Variants in NTNG1 observed in about 807,000 individuals in gnomAD.
The protein encoded by NTNG1 is netrin-G1.
In NTNG1, 16 loss-of-function variants were observed where a neutral mutation model predicts 54.0. That is an observed-to-expected ratio of 0.30 (90% CI 0.20 to 0.45). The LOEUF is 0.45. Among genes scored for constraint, NTNG1 ranks in the 20% least tolerant of loss-of-function variants. The pLI is 1.00. For missense variants in NTNG1, 530 were observed against 678.7 expected, an observed-to-expected ratio of 0.78 and a Z score of 2.43; for synonymous variants, 255 against 263.1, an observed-to-expected ratio of 0.97 and a Z score of 0.30.
intron 3 of NTNG1, among the ~76,000 whole-genome samples, chr1:107,337,217 A>G (rs1326185233): frequency 1.3e-5 from 2 of 152,058 alleles, no homozygotes; most frequent in Non-Finnish European, 2.9e-5. Context: ...CCAAGTATCC[A>G]TCGATGGATC....
intron 4 of NTNG1, among the ~76,000 whole-genome samples, chr1:107,395,723 C>G (rs1266338583): frequency 6.6e-6 from 1 of 152,086 alleles, no homozygotes; most frequent in Non-Finnish European, 1.5e-5. Context: ...GTTTACAGCC[C>G]CATTTCCCCT....
At chr1:107,289,504 G>T (rs1026541534) in intron 2 of NTNG1, among the ~76,000 whole-genome samples, 4 of 152,104 alleles carry the variant, frequency 2.6e-5, no homozygotes, top group African/African-American at 9.7e-5. Context: ...TGCTTGGAAT[G>T]TCATTCCCAC....
At chr1:107,408,087 A>G (rs1442478497) in intron 5 of NTNG1, 3 of 316,180 alleles carry the variant, frequency 9.5e-6, no homozygotes, top group Non-Finnish European at 1.8e-5. Flanking sequence ...GATGTCTGAC[A>G]TAATTTTAAA....
At chr1:107,241,816 T>C (rs1221753016) in intron 2 of NTNG1, among the ~76,000 whole-genome samples, 1 of 152,084 alleles carries the variant, frequency 6.6e-6, no homozygotes, top group Non-Finnish European at 1.5e-5. Flanking sequence ...GAGGGAGTCA[T>C]ATAATTGTCT....
chr1:107,447,370 A>G (rs1653491301), intron 7 of NTNG1, among the ~76,000 whole-genome samples: 1 of 152,098 alleles, frequency 6.6e-6, no homozygotes, highest in Non-Finnish European at 1.5e-5. Flanking sequence ...TTTATTAGTG[A>G]TGCAATGTCA....
intron 2 of NTNG1, among the ~76,000 whole-genome samples, chr1:107,271,982 A>T (rs1016469221): frequency 6.6e-6 from 1 of 152,214 alleles, no homozygotes; most frequent in South Asian, 2.1e-4. Flanking sequence ...GTTTTAAGCT[A>T]AAACTGTCTC....
At chr1:107,287,694 A>G (rs1219165644) in intron 2 of NTNG1, among the ~76,000 whole-genome samples, 2 of 152,080 alleles carry the variant, frequency 1.3e-5, no homozygotes, top group Non-Finnish European at 2.9e-5. Context: ...AGGGAGTTTG[A>G]CTTTTATTCT....
At chr1:107,374,518 A>G (rs1671112869) in intron 3 of NTNG1, among the ~76,000 whole-genome samples, 1 of 152,052 alleles carries the variant, frequency 6.6e-6, no homozygotes. Context: ...CATTCAGTGT[A>G]TCTTTTTTTA....
Position 107,206,247 on chromosome 1 carries a change from A to G in NTNG1, c.246+57408A>G, listed in dbSNP as rs1336813950. 2.0e-5 allele frequency among the ~76,000 whole-genome samples: 3 copies of G among 152,112 alleles called. 1 individual carries two copies. Among genetic ancestry groups the G allele is most frequent in the Non-Finnish European group, 2.9e-5 (2 of 68,016 alleles). Reference sequence around the variant, plus strand: ...ACTCCCTCATTTCCCTATCCCATCAACACTACCCAGAATGTATGAAATTTC... The same window carrying G: ...ACTCCCTCATTTCCCTATCCCATCAGCACTACCCAGAATGTATGAAATTTC... On this transcript the variant is annotated intron_variant, in intron 2 of 7. Transcript: ENST00000370068.
At chr1:107,383,381 C>T (rs1254738289) in intron 3 of NTNG1, among the ~76,000 whole-genome samples, 1 of 151,844 alleles carries the variant, frequency 6.6e-6, no homozygotes, top group Non-Finnish European at 1.5e-5. Context: ...ATTGTTTAAT[C>T]CAAGGAAGTA....
intron 2 of NTNG1, among the ~76,000 whole-genome samples, chr1:107,197,001 G>A (rs1433001798): frequency 6.6e-6 from 1 of 151,810 alleles, no homozygotes; most frequent in African/African-American, 2.4e-5. Context: ...TAAAATACAG[G>A]ACAACCAGTT....
At chr1:107,231,301 T>C (rs949496640) in intron 2 of NTNG1, among the ~76,000 whole-genome samples, 1 of 152,140 alleles carries the variant, frequency 6.6e-6, no homozygotes, top group Non-Finnish European at 1.5e-5. Context: ...ACTGGATCGC[T>C]TCTCAGTACT....
At chr1:107,326,473 TATTA>T (rs1667957793) in intron 3 of NTNG1, among the ~76,000 whole-genome samples, 1 of 152,142 alleles carries the variant, frequency 6.6e-6, no homozygotes, top group Admixed American at 6.6e-5. Flanking sequence ...AGCAAAAGAC[TATTA>T]GTTTCCAGGA....
chr1:107,241,767 C>G (rs1661845489), intron 2 of NTNG1, among the ~76,000 whole-genome samples: 1 of 152,100 alleles, frequency 6.6e-6, no homozygotes, highest in Non-Finnish European at 1.5e-5. Context: ...TGGGGGATAA[C>G]TTGATGCCAG....
At chr1:107,361,778 A>G (rs1328878158) in intron 3 of NTNG1, among the ~76,000 whole-genome samples, 2 of 152,164 alleles carry the variant, frequency 1.3e-5, no homozygotes, top group African/African-American at 2.4e-5. Flanking sequence ...TGACTTCTTT[A>G]TGGAAGAAAT....
intron 2 of NTNG1, among the ~76,000 whole-genome samples, chr1:107,207,762 T>C (rs1659303961): frequency 6.6e-6 from 1 of 152,226 alleles, no homozygotes; most frequent in Admixed American, 6.5e-5. Context: ...TGATAAGAGA[T>C]ACTTTCGTAG....
At chr1:107,471,488 G>A (rs1379052330) in intron 7 of NTNG1, among the ~76,000 whole-genome samples, 2 of 152,186 alleles carry the variant, frequency 1.3e-5, no homozygotes, top group East Asian at 3.8e-4. Flanking sequence ...GGGCTATGGA[G>A]CAGTAGATGC....
chr1:107,472,571 A>C (rs1366479654), intron 7 of NTNG1, among the ~76,000 whole-genome samples: 1 of 152,166 alleles, frequency 6.6e-6, no homozygotes, highest in Non-Finnish European at 1.5e-5. Context: ...GTTGCATAGT[A>C]TGTCCAAGGC....
chr1:107,223,519 A>C (rs1039223129), intron 2 of NTNG1, among the ~76,000 whole-genome samples: 8 of 152,152 alleles, frequency 5.3e-5, no homozygotes, highest in Non-Finnish European at 8.8e-5. Flanking sequence ...ACACAGAAAA[A>C]CATTAATGAC....
Sources: allele counts gnomAD v4.1 joint callset (sites outside exome capture counted in the v4.1 genomes callset), GRCh38; gene constraint gnomAD v4.1.1; transcripts MANE v1.5; gene names NCBI Gene and HGNC (gene_info 2026-07-23, HGNC 2026-07-21).